The following SLC24A3 variants were observed in gnomAD, a reference collection of about 807,000 sequenced individuals.
SLC24A3 encodes solute carrier family 24 member 3, also known as sodium/potassium/calcium exchanger 3.
SLC24A3 carries 28 observed loss-of-function variants against 75.8 expected under a neutral mutation model. The observed-to-expected ratio is 0.37, with a 90% CI of 0.27 to 0.51. The LOEUF (loss-of-function observed/expected upper bound fraction) is 0.51. SLC24A3 is among the 20% of genes least tolerant of loss of function. The pLI is 0.94. For synonymous variants in SLC24A3, 372 were observed against 334.1 expected (o/e 1.11, Z -1.24); for missense variants, 663 against 847.8 (o/e 0.78, Z 2.71).
At chr20:19,481,750 G>A (rs763543366) in intron 2 of SLC24A3, among the ~76,000 whole-genome samples, 6 of 152,106 alleles carry the variant, frequency 3.9e-5, no homozygotes, top group African/African-American at 7.2e-5. Context: ...CAGAGAGCCC[G>A]GGGAGTGCTC....
intron 2 of SLC24A3, among the ~76,000 whole-genome samples, chr20:19,337,471 A>C (rs1319122127): frequency 1.5e-5 from 1 of 65,664 alleles, no homozygotes; most frequent in Non-Finnish European, 3.4e-5. Context: ...TAAATAAATA[A>C]ATTAATTAAT....
At position 19,321,497 on chromosome 20, in the gene SLC24A3, C is replaced by T. The variant is rs544474979; in HGVS notation, c.271+40410C>T. Among the ~76,000 whole-genome samples the T allele has an allele frequency of 5.9e-5, 9 of 152,274 alleles. No individual in the cohort carries two copies. In the South Asian group the frequency reaches 1.9e-3, roughly 32 times the overall value. On this transcript the variant is annotated intron_variant, in intron 2 of 16. Coordinates refer to ENST00000328041, the MANE Select transcript of SLC24A3 (RefSeq NM_020689.4). ...AAAGGAAAGGAAACTTAGAGAAGCT[C>T]ATGCTACGTAACTTCAATCTTGGAA...
intron 1 of SLC24A3, among the ~76,000 whole-genome samples, chr20:19,271,308 A>G (rs1160575868): frequency 1.3e-5 from 2 of 151,918 alleles, no homozygotes; most frequent in Non-Finnish European, 2.9e-5. Flanking sequence ...CTCCTGCAAG[A>G]ATGGCCATAA....
intron 1 of SLC24A3, among the ~76,000 whole-genome samples, chr20:19,267,696 G>A (rs1297571840): frequency 6.6e-6 from 1 of 152,016 alleles, no homozygotes; most frequent in Non-Finnish European, 1.5e-5. Context: ...ATCATATGAA[G>A]ACATAAAAAG....
At chr20:19,316,981 C>G (rs1195365714) in intron 2 of SLC24A3, among the ~76,000 whole-genome samples, 1 of 152,084 alleles carries the variant, frequency 6.6e-6, no homozygotes, top group African/African-American at 2.4e-5. Flanking sequence ...CTTCCTGGCG[C>G]TCTCCCTCCT....
At chr20:19,258,472 G>A (rs1426348358) in intron 1 of SLC24A3, among the ~76,000 whole-genome samples, 1 of 152,228 alleles carries the variant, frequency 6.6e-6, no homozygotes. Flanking sequence ...TTGGGAGGCT[G>A]AGGTGGGCGG....
chr20:19,328,713 G>A (rs1954895842), intron 2 of SLC24A3, among the ~76,000 whole-genome samples: 1 of 152,176 alleles, frequency 6.6e-6, no homozygotes, highest in African/African-American at 2.4e-5. Context: ...TGTCCTGGGT[G>A]TCCCAGTTGA....
rs148897045 is a variant in SLC24A3 at position 19,673,632 on chromosome 20, C to G, written c.745C>G (p.Leu249Val). 4.4e-3 allele frequency: 7,027 copies of G among 1,613,782 alleles called. 36 individuals are homozygous for G. Among genetic ancestry groups the G allele is most frequent in the Non-Finnish European group, 5.5e-3 (6,507 of 1,179,678 alleles). ...WESLVLVLMY[L>V]IYIVIMKYNA... ...GTCTTTAGTCCTTGTGCTGATGTAT[C>G]TTATCTACATTGTCATCATGAAGTA... Residue 249 changes from leucine to valine, a missense_variant, in exon 9 of 17, where the codon CTT becomes GTT. Leu to Val is a conservative substitution (Grantham distance 32, BLOSUM62 1). This residue lies in a region of SLC24A3 where 510 missense variants were observed against 703.6 expected (regional missense o/e 0.72). Coordinates refer to ENST00000328041, the MANE Select transcript of SLC24A3 (RefSeq NM_020689.4).
chr20:19,704,763 C>T (rs143761548), intron 15 of SLC24A3, among the ~76,000 whole-genome samples: 1 of 152,160 alleles, frequency 6.6e-6, no homozygotes, highest in Non-Finnish European at 1.5e-5. Context: ...CTTGCAAAGG[C>T]GTCGAGGCAG....
chr20:19,464,847 G>A (rs1234930296), intron 2 of SLC24A3, among the ~76,000 whole-genome samples: 1 of 152,158 alleles, frequency 6.6e-6, no homozygotes, highest in Non-Finnish European at 1.5e-5. Flanking sequence ...GTATACTTTG[G>A]CATTTGATTT....
intron 15 of SLC24A3, among the ~76,000 whole-genome samples, chr20:19,716,236 C>T (rs1248829690): frequency 1.3e-5 from 2 of 151,974 alleles, no homozygotes. Context: ...TTTGGGGCAG[C>T]CGGCCTCATG....
intron 3 of SLC24A3, among the ~76,000 whole-genome samples, chr20:19,567,020 A>G (rs1229733984): frequency 2.0e-5 from 3 of 152,236 alleles, no homozygotes; most frequent in Admixed American, 2.0e-4. Context: ...AGTTGCTGAC[A>G]AGGTTGAGGA....
At chr20:19,452,473 A>AG (rs368328858) in intron 2 of SLC24A3, among the ~76,000 whole-genome samples, 215 of 149,192 alleles carry the variant, frequency 1.4e-3, no homozygotes, top group African/African-American at 5.1e-3. Flanking sequence ...AAAGGAAGGG[A>AG]GAATGTGAGA....
At chr20:19,631,874 T>C (rs2122687087) in intron 6 of SLC24A3, among the ~76,000 whole-genome samples, 1 of 152,146 alleles carries the variant, frequency 6.6e-6, no homozygotes, top group South Asian at 2.1e-4. Context: ...CTTCAGACTC[T>C]GGGAAATGTG....
In SLC24A3 at chr20:19,343,744, G is replaced by A. The variant is rs190699465; in HGVS notation, c.271+62657G>A. ...CCAGTTCTAGTTGGAGCAGAAAGAGGGACTGGAAAGTGTTAGGAAATAATG... is the reference window on the plus strand; with the variant it reads ...CCAGTTCTAGTTGGAGCAGAAAGAGAGACTGGAAAGTGTTAGGAAATAATG... On this transcript the variant is annotated intron_variant, in intron 2 of 16. Transcript: ENST00000328041. Among the ~76,000 whole-genome samples the A allele has an allele frequency of 1.1e-4, 17 of 152,170 alleles. No homozygotes were observed. In the East Asian group the frequency reaches 3.1e-3, roughly 28 times the overall value.
chr20:19,682,105 A>T (rs1462315551), intron 10 of SLC24A3, 114 bp downstream of exon 10: 1 of 1,211,858 alleles, frequency 8.3e-7, no homozygotes, highest in Non-Finnish European at 1.1e-6. Context: ...ATACAACAAA[A>T]TTAACCAGGA....
At chr20:19,352,960 G>A (rs2122327781) in intron 2 of SLC24A3, among the ~76,000 whole-genome samples, 1 of 152,264 alleles carries the variant, frequency 6.6e-6, no homozygotes, top group Non-Finnish European at 1.5e-5. Flanking sequence ...ATAGCATAAT[G>A]CATTATCTTT....
At chr20:19,693,463 CTT>C in intron 13 of SLC24A3, 38 bp downstream of exon 13, 1 of 1,604,700 alleles carries the variant, frequency 6.2e-7, no homozygotes, top group Non-Finnish European at 8.5e-7. Context: ...TGTTAAATCT[CTT>C]TAGAGAATAA....
intron 1 of SLC24A3, among the ~76,000 whole-genome samples, chr20:19,254,841 G>A (rs1050832547): frequency 6.6e-6 from 1 of 152,186 alleles, no homozygotes; most frequent in Non-Finnish European, 1.5e-5. Flanking sequence ...CCTAGAGCCA[G>A]ATTGCCTGGG....
Sources: allele counts gnomAD v4.1 joint callset (sites outside exome capture counted in the v4.1 genomes callset), GRCh38; gene constraint gnomAD v4.1.1; regional missense constraint gnomAD v4.1.1; transcripts MANE v1.5; gene names NCBI Gene and HGNC (gene_info 2026-07-23, HGNC 2026-07-21).